Variants in RTBDN observed in about 807,000 individuals in gnomAD.
RTBDN encodes the protein retbindin.
Under a neutral mutation model 21.9 loss-of-function variants are expected in RTBDN, and 24 were observed. That is an observed-to-expected ratio of 1.10 (90% CI 0.79 to 1.54). The LOEUF is 1.54. Among genes scored for constraint, RTBDN ranks in the 40% most tolerant of loss-of-function variants. The pLI is 0.00. For missense variants in RTBDN, 325 were observed against 315.2 expected, an observed-to-expected ratio of 1.03 and a Z score of -0.23; for synonymous variants, 141 against 125.9, an observed-to-expected ratio of 1.12 and a Z score of -0.80.
At chr19:12,834,630 G>A (rs1969695350), upstream of RTBDN, 1 of 1,512,094 alleles carries the variant, frequency 6.6e-7, no homozygotes, top group Non-Finnish European at 8.9e-7. The surrounding 1 kb of genome is among the most constrained non-coding windows in gnomAD (Gnocchi z 4.7). Flanking sequence ...GTGGGTGGGC[G>A]GGAGCGATTT....
chr19:12,827,026 G>T (rs1417196910), intron 4 of RTBDN, 155 bp from the exon 5 acceptor site: 1 of 626,582 alleles, frequency 1.6e-6, no homozygotes, highest in Non-Finnish European at 2.9e-6. Flanking sequence ...CATCTCTCCA[G>T]ATTTCACCCT....
In RTBDN at chr19:12,829,881, T is replaced by G; in HGVS notation, c.99A>C (p.Pro33=). Residue 33 remains proline, a synonymous_variant, in exon 2 of 6, where the codon CCA becomes CCC. Coordinates refer to ENST00000674343, the MANE Select transcript of RTBDN (RefSeq NM_001270441.2). ...GGTGTTGCTGGGACCTGGCTTGGAGTGGGCGGCTCCCTCCACAGGCTTCTA... is the reference window on the plus strand; with the variant it reads ...GGTGTTGCTGGGACCTGGCTTGGAGGGGGCGGCTCCCTCCACAGGCTTCTA... ...ILLEACGGSR[P]LQARSQQHHG... is the part of the protein sequence containing the mutation. The G allele has an allele frequency of 6.2e-7, 1 of 1,613,936 alleles. No homozygotes were observed. The highest frequency in any genetic ancestry group is 8.5e-7 in the Non-Finnish European group (1 of 1,179,956).
rs1386113573 is a variant in RTBDN at position 12,834,120 on chromosome 19, G to A, written c.-19+369C>T. 5.0e-6 allele frequency: 2 copies of A among 400,198 alleles called. No individual in the cohort carries two copies. Among genetic ancestry groups the A allele is most frequent in the Non-Finnish European group, 8.8e-6 (2 of 227,046 alleles). The allele number at this position is 400,198 out of a possible 1,614,324, so 24.8% of individuals were successfully genotyped here. A position where few individuals can be genotyped will look rare whatever the true frequency, so the allele number is the denominator to read the frequency against. On this transcript the variant is annotated intron_variant, in intron 1 of 5. Transcript: ENST00000674343. This position sits in a 1 kb window ranked among gnomAD's most constrained non-coding sequence, Gnocchi z 4.7. ...GTCAGCCGGGACGCCCCCACCCATAGGTTCGGGACGCTAACCGCGGGGAAC... is the reference window on the plus strand; with the variant it reads ...GTCAGCCGGGACGCCCCCACCCATAAGTTCGGGACGCTAACCGCGGGGAAC...
In RTBDN at chr19:12,834,566, T is replaced by A; in HGVS notation, c.-96A>T. 2 of 1,527,192 alleles carry A rather than the reference T, an allele frequency of 1.3e-6. No individual in the cohort carries two copies. Among genetic ancestry groups the A allele is most frequent in the Non-Finnish European group, 1.8e-6 (2 of 1,140,012 alleles). 94.6% of individuals were successfully genotyped at this position (1,527,192 alleles called of 1,614,324 possible). ...CAGCTTTCTCACTCTTCATTCCACC[T>A]CCTCCACTACAACATCCGCCCCCCC... On this transcript the variant is annotated 5_prime_UTR_variant, in exon 1 of 6. Transcript: ENST00000674343. The surrounding 1 kb of genome is among the most constrained non-coding windows in gnomAD (Gnocchi z 4.7).
chr19:12,827,910 C>A (rs528623145), intron 4 of RTBDN, among the ~76,000 whole-genome samples: 2 of 151,100 alleles, frequency 1.3e-5, no homozygotes, highest in Non-Finnish European at 2.9e-5. Flanking sequence ...TTGGCCAACA[C>A]GGTGAAACAC....
Position 12,834,442 on chromosome 19 carries a change from C to T in RTBDN, c.-19+47G>A, listed in dbSNP as rs1969687057. ...GCGGCAACCTCGCCCCTCACCACCCCAGGAGCCCCCTCCCGAGGCATAGGA... is the reference window on the plus strand; with the variant it reads ...GCGGCAACCTCGCCCCTCACCACCCTAGGAGCCCCCTCCCGAGGCATAGGA... On this transcript the variant is annotated intron_variant, in intron 1 of 5. Coordinates refer to ENST00000674343, the MANE Select transcript of RTBDN (RefSeq NM_001270441.2). This position sits in a 1 kb window ranked among gnomAD's most constrained non-coding sequence, Gnocchi z 4.7. The T allele has an allele frequency of 6.9e-7, 1 of 1,443,554 alleles. No individual in the cohort carries two copies. Among genetic ancestry groups the T allele is most frequent in the Non-Finnish European group, 9.4e-7 (1 of 1,063,864 alleles). 89.4% of individuals were successfully genotyped at this position (1,443,554 alleles called of 1,614,324 possible). A position where few individuals can be genotyped will look rare whatever the true frequency, so the allele number is the denominator to read the frequency against.
At chr19:12,834,591 C>A (rs1051568636), upstream of RTBDN, 41 of 1,516,560 alleles carry the variant, frequency 2.7e-5, no homozygotes, top group East Asian at 3.0e-4. This position sits in a 1 kb window ranked among gnomAD's most constrained non-coding sequence, Gnocchi z 4.7. Flanking sequence ...TCCGCCCCCC[C>A]ACCGCGATCC....
At chr19:12,829,123 T>A in intron 2 of RTBDN, 170 bp from the exon 3 acceptor site, 1 of 1,082,810 alleles carries the variant, frequency 9.2e-7, no homozygotes, top group South Asian at 1.7e-5. Context: ...GTAGTAATAA[T>A]CATTTCTTGT....
chr19:12,827,601 G>A (rs376366589), intron 4 of RTBDN, among the ~76,000 whole-genome samples: 4 of 152,084 alleles, frequency 2.6e-5, no homozygotes, highest in Non-Finnish European at 5.9e-5. Flanking sequence ...GGGATTACAA[G>A]CATGAGCCAC....
At chr19:12,833,832 C>T (rs1201944031) in intron 1 of RTBDN, 1 of 310,056 alleles carries the variant, frequency 3.2e-6, no homozygotes, top group East Asian at 5.0e-5. Context: ...GCCCCCGCCC[C>T]CGCCACCCCT....
At chr19:12,826,696 G>GAAATAAAT (rs149645338) in intron 5 of RTBDN, 79 bp downstream of exon 5, 62 of 1,039,076 alleles carry the variant, frequency 6.0e-5, no homozygotes, top group Middle Eastern at 3.0e-4. Flanking sequence ...CTCCGTCTCA[G>GAAATAAAT]AAATAAATAA....
At chr19:12,829,694 G>T in intron 2 of RTBDN, 117 bp downstream of exon 2, 1 of 1,008,550 alleles carries the variant, frequency 9.9e-7, no homozygotes. Context: ...CACTATCCGT[G>T]CCTCCCACCT....
chr19:12,826,006 AAAATGTGT>A, intron 5 of RTBDN, 73 bp from the exon 6 acceptor site: 1 of 1,458,574 alleles, frequency 6.9e-7, no homozygotes, highest in Non-Finnish European at 9.1e-7. Flanking sequence ...CGGGAAGGGA[AAAATGTGT>A]AAATTCCTTA....
rs142720998 is a variant in RTBDN at position 12,828,878 on chromosome 19, G to A, written c.245C>T (p.Pro82Leu). Reference sequence around the variant, plus strand: ...AGGGTGCTGTACTCACTCAGGGCTCGGCACTCCACAGCGTTCTGGATGGTT... The same window carrying A: ...AGGGTGCTGTACTCACTCAGGGCTCAGCACTCCACAGCGTTCTGGATGGTT... ...PGNHPERCGV[P>L]SPECESFLEH... Residue 82 changes from proline (P) to leucine (L), a missense_variant, in exon 3 of 6, where the codon CCG (proline) becomes CTG (leucine). Pro to Leu is a moderately conservative substitution (Grantham distance 98, BLOSUM62 -3). Transcript: ENST00000674343. The A allele has an allele frequency of 6.2e-6, 10 of 1,614,202 alleles. No individual in the cohort carries two copies. The highest frequency in any genetic ancestry group is 1.1e-5 in the South Asian group (1 of 91,084).
At position 12,832,116 on chromosome 19, in the gene RTBDN, T is replaced by C. The variant is rs1969594520; in HGVS notation, c.-18-2119A>G. Among the ~76,000 whole-genome samples, 6 of 152,192 alleles carry C rather than the reference T, an allele frequency of 3.9e-5. 1 individual carries two copies. In the South Asian group the frequency reaches 1.2e-3, roughly 32 times the overall value. On this transcript the variant is annotated intron_variant, in intron 1 of 5. Coordinates refer to ENST00000674343, the MANE Select transcript of RTBDN (RefSeq NM_001270441.2). ...TGTATGTGTGTTAATTTGCAGAATG[T>C]GTGGGTCTGTGTTTGTGGAGTATAT...
In RTBDN at chr19:12,826,367, A is replaced by G. The variant is rs2057066534; in HGVS notation, c.462+408T>C. On this transcript the variant is annotated intron_variant, in intron 5 of 5. Transcript: ENST00000674343. ...GGGAGCAGGGACCTGGGGAGTACCA[A>G]TCCGGTCTCTGGGGTCTAGACACGG... 8.7e-6 allele frequency: 11 copies of G among 1,270,596 alleles called. 1 individual carries two copies. The highest frequency in any genetic ancestry group is 9.1e-6 in the Non-Finnish European group (9 of 987,552). The allele number at this position is 1,270,596 out of a possible 1,614,324, so 78.7% of individuals were successfully genotyped here.
upstream of RTBDN, chr19:12,834,853 G>T: frequency 6.2e-7 from 1 of 1,614,112 alleles, no homozygotes; most frequent in Non-Finnish European, 8.5e-7. The surrounding 1 kb of genome is among the most constrained non-coding windows in gnomAD (Gnocchi z 4.7). Context: ...GTTTCTGAGG[G>T]GTTAGTACGG....
In RTBDN at chr19:12,828,768, C is replaced by T. The variant is rs771711309; in HGVS notation, c.255-1G>A. 2 of 1,614,078 alleles carry T rather than the reference C, an allele frequency of 1.2e-6. No homozygotes were observed. The highest frequency in any genetic ancestry group is 2.7e-5 in the African/African-American group (2 of 74,956). ...GAGGTGTTCCAGGAAGGATTCGCAT[C>T]TGGACGTTGGGAGAGATAGGGTCGG... On this transcript the variant is annotated splice_acceptor_variant, in intron 3 of 5. Transcript: ENST00000674343. LOFTEE classifies it high-confidence loss of function.
At chr19:12,834,992 T>TA, upstream of RTBDN, 1 of 1,568,306 alleles carries the variant, frequency 6.4e-7, no homozygotes, top group Non-Finnish European at 8.7e-7. This position sits in a 1 kb window ranked among gnomAD's most constrained non-coding sequence, Gnocchi z 4.7. Flanking sequence ...CCAGGCTTGG[T>TA]AATCTGGAGT....
Sources: allele counts gnomAD v4.1 joint callset (sites outside exome capture counted in the v4.1 genomes callset), GRCh38; gene constraint gnomAD v4.1.1; non-coding constraint Gnocchi (gnomAD v3.1); transcripts MANE v1.5; gene names NCBI Gene and HGNC (gene_info 2026-07-23, HGNC 2026-07-21).